The following MTMR3 variants were observed in gnomAD, a reference collection of about 807,000 sequenced individuals.
The protein encoded by MTMR3 is myotubularin related protein 3.
In MTMR3, 32 loss-of-function variants were observed where a neutral mutation model predicts 132.4. The observed-to-expected ratio is 0.24, with a 90% CI of 0.18 to 0.32. The LOEUF (loss-of-function observed/expected upper bound fraction) is 0.32. MTMR3 is among the 10% of genes least tolerant of loss of function. The probability of loss-of-function intolerance (pLI) is 1.00; values close to 1 mark genes in which losing one functional copy is unlikely to be tolerated. For synonymous variants in MTMR3, 556 were observed against 550.3 expected, an observed-to-expected ratio of 1.01 and a Z score of -0.14; for missense variants, 1,216 against 1,489.6, an observed-to-expected ratio of 0.82 and a Z score of 3.02.
chr22:29,928,839 G>C (rs554750378), intron 1 of MTMR3, among the ~76,000 whole-genome samples: 1 of 152,164 alleles, frequency 6.6e-6, no homozygotes, highest in East Asian at 1.9e-4. Flanking sequence ...CATGCCTCAG[G>C]GAATATTTGC....
At position 30,026,981 on chromosome 22, in the gene MTMR3, G is replaced by T. The variant is rs1364688441; in HGVS notation, c.*1180G>T. On this transcript the variant is annotated 3_prime_UTR_variant, in exon 20 of 20. Coordinates refer to ENST00000401950, the MANE Select transcript of MTMR3 (RefSeq NM_021090.4). ...CTGGCCAGCAGTGAAGGGCCACTTG[G>T]TGACTTCGTAGGGTTCCTTAGAGAA... The T allele has an allele frequency of 6.5e-6, 1 of 152,854 alleles. No individual in the cohort carries two copies. The highest frequency in any genetic ancestry group is 1.5e-5 in the Non-Finnish European group (1 of 68,094). The allele number at this position is 152,854 out of a possible 1,614,324, so 9.5% of individuals were successfully genotyped here.
At chr22:29,889,174 T>A (rs2064741149) in intron 1 of MTMR3, among the ~76,000 whole-genome samples, 1 of 151,798 alleles carries the variant, frequency 6.6e-6, no homozygotes, top group South Asian at 2.1e-4. Context: ...GAAGGCAGAG[T>A]GTTTATAAAG....
intron 1 of MTMR3, among the ~76,000 whole-genome samples, chr22:29,906,245 C>CGTCCGTCTGTCT (rs1410748337): frequency 4.7e-5 from 5 of 107,152 alleles, no homozygotes; most frequent in African/African-American, 1.4e-4. Flanking sequence ...TCCATCCATC[C>CGTCCGTCTGTCT]GTCTGTCTGT....
Position 29,934,576 on chromosome 22 carries a change from A to C in MTMR3, c.-137-22460A>C, listed in dbSNP as rs184403963. Among the ~76,000 whole-genome samples the C allele has an allele frequency of 5.9e-5, 9 of 152,310 alleles. No homozygotes were observed. The East Asian group carries it at 1.3e-3, about 23-fold the overall frequency. On this transcript the variant is annotated intron_variant, in intron 1 of 19. Transcript: ENST00000401950. ...TGTGGTCTCTTTTCCTTAGTATCTA[A>C]GTTTTTAATGTCATTATAGATTGTA...
intron 7 of MTMR3, chr22:29,991,888 G>T (rs2066968245): frequency 7.3e-6 from 3 of 409,420 alleles, no homozygotes; most frequent in Non-Finnish European, 1.3e-5. Context: ...AATCTATTGG[G>T]CCTAAAAACA....
At chr22:29,936,249 T>C (rs1261630389) in intron 1 of MTMR3, among the ~76,000 whole-genome samples, 1 of 152,202 alleles carries the variant, frequency 6.6e-6, no homozygotes, top group Non-Finnish European at 1.5e-5. Flanking sequence ...TAATGAATTT[T>C]TTTGGGGAAA....
At chr22:29,925,396 T>C (rs2065495612) in intron 1 of MTMR3, among the ~76,000 whole-genome samples, 1 of 152,176 alleles carries the variant, frequency 6.6e-6, no homozygotes, top group Non-Finnish European at 1.5e-5. Context: ...ATTGGACTGG[T>C]AGCTTGCAAA....
chr22:29,894,771 A>T (rs1487286423), intron 1 of MTMR3, among the ~76,000 whole-genome samples: 2 of 152,166 alleles, frequency 1.3e-5, no homozygotes, highest in African/African-American at 4.8e-5. Flanking sequence ...CTAGAGTTTA[A>T]GTGATTAGAG....
At chr22:29,922,023 A>G (rs1418803331) in intron 1 of MTMR3, among the ~76,000 whole-genome samples, 3 of 148,142 alleles carry the variant, frequency 2.0e-5, no homozygotes, top group African/African-American at 5.0e-5. Context: ...TAATTTGTAT[A>G]TCATGTCTTT....
At chr22:29,934,242 T>C (rs1288743583) in intron 1 of MTMR3, among the ~76,000 whole-genome samples, 1 of 152,050 alleles carries the variant, frequency 6.6e-6, no homozygotes, top group Non-Finnish European at 1.5e-5. Flanking sequence ...TAGACTCAGC[T>C]ACTCCGGAGG....
rs2067705101 is a variant in MTMR3, at chr22:30,020,005, C to T, written c.2346C>T (p.Pro782=). The change falls in exon 17 of 20, where the codon CCC becomes CCT. Residue 782 remains proline, a synonymous_variant. Transcript: ENST00000401950. ...TTCTCCTCAGTTCTCTCCAGGTCCC[C>T]CCCAGGGGAGAGGATTCCCTGGAGG... is the stretch of plus-strand genomic sequence containing the variant. The part of the protein sequence containing the change: ...LSVLLSSLQV[P]PRGEDSLEVP... The T allele has an allele frequency of 6.2e-7, 1 of 1,614,174 alleles. No homozygotes were observed. The highest frequency in any genetic ancestry group is 8.5e-7 in the Non-Finnish European group (1 of 1,180,028).
At chr22:29,902,425 T>G (rs902640115) in intron 1 of MTMR3, among the ~76,000 whole-genome samples, 5 of 150,236 alleles carry the variant, frequency 3.3e-5, no homozygotes, top group Admixed American at 3.3e-4. Flanking sequence ...TTTTTTTTTT[T>G]GAGACGGAGT....
intron 1 of MTMR3, among the ~76,000 whole-genome samples, chr22:29,897,007 T>G (rs1213661587): frequency 1.3e-5 from 2 of 152,002 alleles, no homozygotes; most frequent in Non-Finnish European, 2.9e-5. Context: ...TTTAAAAAAT[T>G]TAGAAAAATA....
intron 1 of MTMR3, among the ~76,000 whole-genome samples, chr22:29,888,917 T>C (rs1408258044): frequency 6.6e-6 from 1 of 151,928 alleles, no homozygotes; most frequent in Non-Finnish European, 1.5e-5. Flanking sequence ...TTAATACTTT[T>C]ATAACTTAGT....
At chr22:29,910,172 AAAAG>A (rs1400308055) in intron 1 of MTMR3, among the ~76,000 whole-genome samples, 2 of 152,084 alleles carry the variant, frequency 1.3e-5, no homozygotes, top group East Asian at 1.9e-4. Flanking sequence ...TCAAAAAAAA[AAAAG>A]AAAGTGGGCC....
intron 5 of MTMR3, chr22:29,987,514 A>G (rs1328443027): frequency 2.0e-5 from 3 of 152,246 alleles, no homozygotes; most frequent in Non-Finnish European, 4.4e-5. Flanking sequence ...TCCTTTTTCA[A>G]GGAGTAAAAG....
intron 4 of MTMR3, 152 bp from the exon 5 acceptor site, chr22:29,978,784 T>C: frequency 1.5e-6 from 1 of 669,500 alleles, no homozygotes; most frequent in Non-Finnish European, 2.6e-6. Flanking sequence ...TAGGTGGGTA[T>C]AAACCCATCC....
intron 1 of MTMR3, among the ~76,000 whole-genome samples, chr22:29,884,428 G>A (rs1190264622): frequency 1.3e-5 from 2 of 152,056 alleles, no homozygotes; most frequent in Non-Finnish European, 2.9e-5. Flanking sequence ...GAGAGGTGGT[G>A]GGGACCTTCC....
intron 1 of MTMR3, among the ~76,000 whole-genome samples, chr22:29,893,520 C>T (rs1479936265): frequency 1.3e-5 from 2 of 152,204 alleles, no homozygotes; most frequent in Non-Finnish European, 2.9e-5. Context: ...ATTCCCCTCA[C>T]CTTTGTCATT....
Sources: gnomAD v4.1 joint callset for allele counts (sites outside exome capture counted in the v4.1 genomes callset) on GRCh38, gnomAD v4.1.1 for gene constraint, MANE v1.5 for transcripts, NCBI Gene and HGNC (gene_info 2026-07-23, HGNC 2026-07-21) for gene names.